Variants in HEATR6 observed in about 807,000 individuals in gnomAD.
HEATR6 encodes the protein HEAT repeat-containing protein 6.
A neutral mutation model predicts 132.8 loss-of-function variants in HEATR6; 106 were observed. The ratio of observed to expected loss-of-function variants is 0.80; its 90% CI spans 0.68 to 0.94. HEATR6 has a LOEUF of 0.94. Among genes scored for constraint, HEATR6 ranks in the 40% least tolerant of loss-of-function variants. The pLI, the probability that HEATR6 is intolerant of heterozygous loss-of-function variation, is 0.00. For synonymous variants in HEATR6, 529 were observed against 537.8 expected, an observed-to-expected ratio of 0.98 and a Z score of 0.23; for missense variants, 1,339 against 1,425.1, an observed-to-expected ratio of 0.94 and a Z score of 0.97.
At chr17:60,049,000 A>ATAT (rs1555666956) in intron 16 of HEATR6, among the ~76,000 whole-genome samples, 17 of 130,528 alleles carry the variant, frequency 1.3e-4, no homozygotes, top group Non-Finnish European at 2.4e-4. Flanking sequence ...ATATATATAT[A>ATAT]TATATATATA....
intron 14 of HEATR6, among the ~76,000 whole-genome samples, chr17:60,052,854 G>T (rs934218193): frequency 1.3e-5 from 2 of 152,134 alleles, no homozygotes; most frequent in East Asian, 3.8e-4. Context: ...CTGGTGAGGG[G>T]CGGCGGGGAC....
intron 8 of HEATR6, among the ~76,000 whole-genome samples, chr17:60,066,989 G>C (rs908171359): frequency 6.6e-6 from 1 of 152,136 alleles, no homozygotes; most frequent in African/African-American, 2.4e-5. Flanking sequence ...AGAACAAGTC[G>C]GCCGGGCGCG....
At position 60,078,821 on chromosome 17, in the gene HEATR6, G is replaced by A; in HGVS notation, c.94C>T (p.Leu32Phe). 6.2e-7 allele frequency: 1 copy of A among 1,605,286 alleles called. No individual in the cohort carries two copies. Among genetic ancestry groups the A allele is most frequent in the South Asian group, 1.1e-5 (1 of 89,028 alleles). ...AGGGCGCAGAGCCTGGCAGACAAGA[G>A]GCGAAACCCATTGCCTCGCTCAGGG... ...AIPERGNGFR[L>F]LSARLCALRP... The change falls in exon 1 of 20, where the codon CTC becomes TTC. Residue 32 changes from leucine to phenylalanine, a missense_variant. By Grantham distance (22) the Leu-to-Phe change is conservative. Transcript: ENST00000184956.
chr17:60,062,675 G>T (rs980638354), intron 9 of HEATR6, among the ~76,000 whole-genome samples: 1 of 152,160 alleles, frequency 6.6e-6, no homozygotes, highest in Non-Finnish European at 1.5e-5. Flanking sequence ...AAAGTCAGTT[G>T]TCTTTTACGT....
At chr17:60,065,588 G>A (rs1438129847) in intron 9 of HEATR6, among the ~76,000 whole-genome samples, 1 of 152,196 alleles carries the variant, frequency 6.6e-6, no homozygotes, top group African/African-American at 2.4e-5. Flanking sequence ...GCAAATATTT[G>A]ATAAGCCATG....
intron 7 of HEATR6, among the ~76,000 whole-genome samples, chr17:60,068,635 A>G (rs1283138205): frequency 6.6e-6 from 1 of 150,956 alleles, no homozygotes; most frequent in Non-Finnish European, 1.5e-5. Flanking sequence ...CTCTCCCCGC[A>G]CTGAAACTCT....
chr17:60,047,474 T>C, intron 17 of HEATR6, 69 bp from the exon 18 acceptor site: 1 of 833,174 alleles, frequency 1.2e-6, no homozygotes, highest in African/African-American at 1.8e-5. Flanking sequence ...TATAGAAATA[T>C]ATTCAATTAG....
intron 9 of HEATR6, among the ~76,000 whole-genome samples, chr17:60,065,478 C>T (rs1043997080): frequency 3.9e-5 from 6 of 152,180 alleles, no homozygotes; most frequent in African/African-American, 1.4e-4. Flanking sequence ...AGATGCCATT[C>T]AGCATGACTT....
At chr17:60,055,998 T>C (rs927694046) in intron 13 of HEATR6, 117 bp downstream of exon 13, 99 of 1,203,212 alleles carry the variant, frequency 8.2e-5, no homozygotes, top group Non-Finnish European at 1.1e-4. Flanking sequence ...AATCTCAGAA[T>C]TGAAGGACAT....
At chr17:60,069,636 G>A in intron 7 of HEATR6, 75 bp downstream of exon 7, 1 of 1,407,466 alleles carries the variant, frequency 7.1e-7, no homozygotes, top group Non-Finnish European at 1.0e-6. Context: ...TAGTAGTGAT[G>A]CAAATCATAG....
chr17:60,044,134 C>T lies in HEATR6; in HGVS notation c.2975G>A (p.Gly992Glu). The change falls in exon 20 of 20, where the codon GGG (glycine) becomes GAG (glutamate). Residue 992 changes from glycine (G) to glutamate (E), a missense_variant and splice_region_variant. Coordinates refer to ENST00000184956, the MANE Select transcript of HEATR6 (RefSeq NM_022070.5). Reference protein sequence around the residue: ...NVFKNPALPLGTAPWTSQAYN... With the variant: ...NVFKNPALPLETAPWTSQAYN... The stretch of plus-strand genomic sequence containing the variant: ...GGCCTGGGAGGTCCATGGGGCTGTC[C>T]CTAGAAAGAATCCACAGTCACTAAA... 6.3e-7 allele frequency: 1 copy of T among 1,599,174 alleles called. No individual in the cohort carries two copies. Among genetic ancestry groups the T allele is most frequent in the Non-Finnish European group, 8.5e-7 (1 of 1,172,952 alleles).
At chr17:60,046,859 A>G (rs1471944325) in intron 18 of HEATR6, among the ~76,000 whole-genome samples, 2 of 152,162 alleles carry the variant, frequency 1.3e-5, no homozygotes, top group Non-Finnish European at 2.9e-5. Context: ...GCTGACCTTC[A>G]GAGAAGTTAT....
At position 60,067,867 on chromosome 17, in the gene HEATR6, GA is replaced by G. The variant is rs1214470826; in HGVS notation, c.940-136del. On this transcript the variant is annotated intron_variant, in intron 7 of 19. Transcript: ENST00000184956. ...TTTAAAGAAAGAAGAAAAGAGAAAA[GA>G]AAAAAGTGTAACTTCATTAATACCC... The G allele has an allele frequency of 5.5e-6, 4 of 721,644 alleles. No homozygotes were observed. In the East Asian group the frequency reaches 1.2e-4, roughly 21 times the overall value. The allele number at this position is 721,644 out of a possible 1,614,324, so 44.7% of individuals were successfully genotyped here. A position where few individuals can be genotyped will look rare whatever the true frequency, so the allele number is the denominator to read the frequency against.
chr17:60,072,810 T>A (rs919010693), intron 4 of HEATR6, among the ~76,000 whole-genome samples: 1 of 152,174 alleles, frequency 6.6e-6, no homozygotes, highest in African/African-American at 2.4e-5. Flanking sequence ...AGAAAAGAAA[T>A]TGCCCTTTAC....
Position 60,057,382 on chromosome 17 carries a change from C to T in HEATR6, c.1745G>A (p.Ser582Asn), listed in dbSNP as rs749038552. The change falls in exon 12 of 20, where the codon AGT becomes AAT. Residue 582 changes from serine (S) to asparagine (N), a missense_variant. Transcript: ENST00000184956. ...RHKDVNVRVS[S>N]LTLLGAIVST... Reference sequence around the variant, plus strand: ...CACTATAGCTCCCAAGAGTGTGAGACTTGACACACGAACATTAACATCTGT... The same window carrying T: ...CACTATAGCTCCCAAGAGTGTGAGATTTGACACACGAACATTAACATCTGT... The T allele has an allele frequency of 1.0e-5, 16 of 1,599,380 alleles. No individual in the cohort carries two copies. The highest frequency in any genetic ancestry group is 1.7e-5 in the Admixed American group (1 of 58,788).
chr17:60,070,657 C>T (rs746947614), intron 6 of HEATR6, 49 bp downstream of exon 6: 2 of 1,078,390 alleles, frequency 1.9e-6, no homozygotes, highest in South Asian at 1.3e-5. Flanking sequence ...GGTCCTTGTA[C>T]CATGGGTTGA....
intron 9 of HEATR6, chr17:60,063,851 C>G (rs762330308): frequency 2.0e-5 from 3 of 152,188 alleles, no homozygotes; most frequent in Admixed American, 6.5e-5. Context: ...GAACTCCAGC[C>G]ATCTAACTCT....
At position 60,048,983 on chromosome 17, in the gene HEATR6, A is replaced by ATATAT. The variant is rs1491095262; in HGVS notation, c.2547+596_2548-595insATATA. Reference sequence around the variant, plus strand: ...TTAAAAATAAATAACATATATATATAATATATATATATATATATATATATA... The same window carrying ATATAT: ...TTAAAAATAAATAACATATATATATATATATATATATATATATATATATATATATA... On this transcript the variant is annotated intron_variant, in intron 16 of 19. Transcript: ENST00000184956. Among the ~76,000 whole-genome samples the ATATAT allele has an allele frequency of 5.6e-4, 39 of 69,540 alleles. 3 individuals are homozygous for ATATAT. Among genetic ancestry groups the ATATAT allele is most frequent in the African/African-American group, 2.5e-3 (27 of 10,996 alleles). The allele number at this position is 69,540 out of a possible 152,430, so 45.6% of individuals were successfully genotyped here.
Position 60,044,120 on chromosome 17 carries a change from T to A in HEATR6, c.2989A>T (p.Thr997Ser). Residue 997 changes from threonine to serine, a missense_variant, in exon 20 of 20, where the codon ACC becomes TCC. Coordinates refer to ENST00000184956, the MANE Select transcript of HEATR6 (RefSeq NM_022070.5). ...PALPLGTAPWTSQAYNALTSV... is the reference protein window; with the variant it reads ...PALPLGTAPWSSQAYNALTSV... ...GTCAGGGCATTGTAGGCCTGGGAGG[T>A]CCATGGGGCTGTCCCTAGAAAGAAT... 1.9e-6 allele frequency: 3 copies of A among 1,608,874 alleles called. No homozygotes were observed. The highest frequency in any genetic ancestry group is 2.5e-6 in the Non-Finnish European group (3 of 1,177,352).
Sources: gnomAD v4.1 joint callset for allele counts (sites outside exome capture counted in the v4.1 genomes callset) on GRCh38, gnomAD v4.1.1 for gene constraint, MANE v1.5 for transcripts, NCBI Gene and HGNC (gene_info 2026-07-23, HGNC 2026-07-21) for gene names.